TMEM163: variants seen among roughly 807,000 people sequenced by gnomAD.
The protein encoded by TMEM163 is transmembrane protein 163.
A neutral mutation model predicts 29.3 loss-of-function variants in TMEM163; 17 were observed. The observed-to-expected ratio is 0.58, with a 90% confidence interval of 0.40 to 0.87. TMEM163 has a LOEUF of 0.87. Among genes scored for constraint, TMEM163 ranks in the 40% least tolerant of loss-of-function variants. TMEM163 has a pLI of 0.00. For missense variants in TMEM163, 303 were observed against 381.5 expected (o/e 0.79, Z 1.71); for synonymous variants, 157 against 160.6 (o/e 0.98, Z 0.17).
chr2:134,713,191 G>A lies in TMEM163; in HGVS notation c.322+9C>T, dbSNP rs1412227852. On this transcript the variant is annotated intron_variant, in intron 2 of 7. Coordinates refer to ENST00000281924, the MANE Select transcript of TMEM163 (RefSeq NM_030923.5). ...GCACATATTGGCCGACGAGACCCTT[G>A]ATACTCACTAAAGGCAGCCACCGCG... 2 of 1,613,632 alleles carry A rather than the reference G, an allele frequency of 1.2e-6. No homozygotes were observed. The highest frequency in any genetic ancestry group is 1.3e-5 in the African/African-American group (1 of 74,988).
chr2:134,703,652 A>G (rs1006587611), intron 2 of TMEM163, among the ~76,000 whole-genome samples: 1 of 152,142 alleles, frequency 6.6e-6, no homozygotes, highest in Non-Finnish European at 1.5e-5. Context: ...GAAGTTAACA[A>G]ATAATGCCTA....
chr2:134,684,322 G>A (rs1347606549), intron 2 of TMEM163, among the ~76,000 whole-genome samples: 5 of 152,074 alleles, frequency 3.3e-5, no homozygotes, highest in Admixed American at 6.5e-5. Flanking sequence ...GGTTACAGAC[G>A]TACCCAACTA....
intron 6 of TMEM163, among the ~76,000 whole-genome samples, chr2:134,465,198 A>C (rs199860082): frequency 1.3e-4 from 19 of 144,364 alleles, no homozygotes; most frequent in South Asian, 2.1e-4. Context: ...TTAAAAAAAA[A>C]AAAAACAAAA....
intron 4 of TMEM163, among the ~76,000 whole-genome samples, chr2:134,543,204 T>C (rs890628196): frequency 5.9e-5 from 9 of 152,212 alleles, no homozygotes; most frequent in African/African-American, 2.2e-4. Flanking sequence ...GTCTGTGTTG[T>C]GCCTGGTTTC....
chr2:134,709,905 T>C (rs1002582886), intron 2 of TMEM163, among the ~76,000 whole-genome samples: 3 of 152,236 alleles, frequency 2.0e-5, no homozygotes, highest in Non-Finnish European at 4.4e-5. Flanking sequence ...TTGGTCTCTA[T>C]AACCCCTTAT....
In TMEM163 at chr2:134,466,234, G is replaced by A. The variant is rs1432948704; in HGVS notation, c.556-9C>T. On this transcript the variant is annotated splice_polypyrimidine_tract_variant and intron_variant, in intron 5 of 7. Transcript: ENST00000281924. The stretch of plus-strand genomic sequence containing the variant: ...CTGAACAGGAAATCGTCCTGCAAGA[G>A]AAAGTTCCAGATTTCAACAGTTCAC... The A allele has an allele frequency of 6.2e-7, 1 of 1,608,602 alleles. No homozygotes were observed. Among genetic ancestry groups the A allele is most frequent in the Non-Finnish European group, 8.5e-7 (1 of 1,176,478 alleles).
At chr2:134,655,335 C>T (rs1295535854) in intron 2 of TMEM163, among the ~76,000 whole-genome samples, 5 of 119,936 alleles carry the variant, frequency 4.2e-5, no homozygotes, top group East Asian at 2.1e-4. Flanking sequence ...TCCAGTTGAT[C>T]GCATCAGCTC....
intron 2 of TMEM163, among the ~76,000 whole-genome samples, chr2:134,592,162 C>T (rs1332592243): frequency 6.6e-6 from 1 of 152,142 alleles, no homozygotes; most frequent in Non-Finnish European, 1.5e-5. Context: ...AAAATTAAAA[C>T]TTGAGTTAAG....
rs58129133 is a variant in TMEM163 at position 134,533,714 on chromosome 2, C to T, written c.458+16856G>A. On this transcript the variant is annotated intron_variant, in intron 4 of 7. Transcript: ENST00000281924. ...CCAAGGCTTAATAATGCACCCGTGG[C>T]CTCCTACTGCTCCTATAATCAAAAC... Among the ~76,000 whole-genome samples, 692 of 152,234 alleles carry T rather than the reference C, an allele frequency of 4.5e-3. 8 individuals carry two copies. The highest frequency in any genetic ancestry group is 0.016 in the African/African-American group (669 of 41,530).
chr2:134,609,964 A>T (rs1258980567), intron 2 of TMEM163, among the ~76,000 whole-genome samples: 1 of 151,960 alleles, frequency 6.6e-6, no homozygotes, highest in Non-Finnish European at 1.5e-5. Context: ...CCTACAGGGG[A>T]AGGGGAGGAG....
intron 2 of TMEM163, among the ~76,000 whole-genome samples, chr2:134,560,821 AC>A (rs1440296955): frequency 6.6e-6 from 1 of 151,912 alleles, no homozygotes; most frequent in Non-Finnish European, 1.5e-5. Flanking sequence ...AATGCACATG[AC>A]CCCCGTTCCA....
At chr2:134,548,360 C>T (rs960845541) in intron 4 of TMEM163, among the ~76,000 whole-genome samples, 1 of 152,156 alleles carries the variant, frequency 6.6e-6, no homozygotes, top group African/African-American at 2.4e-5. Context: ...ATACTTACAA[C>T]ACATCTCAGT....
rs569735715 is a variant in TMEM163, at chr2:134,517,837, ACCAT to A, written c.459-14844_459-14841del. On this transcript the variant is annotated intron_variant, in intron 4 of 7. Transcript: ENST00000281924. ...TGCATAACCAAAATGTAAGAACTGA[ACCAT>A]AGGTATTATTTACCCACTGGCTAGT... Among the ~76,000 whole-genome samples the A allele has an allele frequency of 8.5e-5, 13 of 152,342 alleles. No individual in the cohort carries two copies. The South Asian group carries it at 2.3e-3, about 27-fold the overall frequency.
intron 4 of TMEM163, among the ~76,000 whole-genome samples, chr2:134,548,810 A>G (rs1461253911): frequency 1.3e-5 from 2 of 152,228 alleles, no homozygotes; most frequent in Non-Finnish European, 2.9e-5. Context: ...AATCTTATAC[A>G]ATATTTTAAG....
At chr2:134,534,102 G>A (rs1370086063) in intron 4 of TMEM163, among the ~76,000 whole-genome samples, 2 of 152,102 alleles carry the variant, frequency 1.3e-5, no homozygotes, top group Non-Finnish European at 2.9e-5. Context: ...AGCTGGTTTG[G>A]TGCCTCAAAA....
At chr2:134,589,507 T>C (rs1020673309) in intron 2 of TMEM163, among the ~76,000 whole-genome samples, 5 of 152,162 alleles carry the variant, frequency 3.3e-5, no homozygotes, top group African/African-American at 1.2e-4. Flanking sequence ...TATAATGTTT[T>C]AGTATGCTAA....
chr2:134,656,577 C>T (rs1683622982), intron 2 of TMEM163, among the ~76,000 whole-genome samples: 1 of 151,816 alleles, frequency 6.6e-6, no homozygotes, highest in Non-Finnish European at 1.5e-5. Flanking sequence ...CCTCCCCCCG[C>T]CTTCTATTTC....
chr2:134,559,869 C>T (rs1048897371), intron 2 of TMEM163, among the ~76,000 whole-genome samples: 1 of 152,130 alleles, frequency 6.6e-6, no homozygotes, highest in African/African-American at 2.4e-5. Context: ...CAGGAAGCAG[C>T]GACTGTCATT....
At chr2:134,657,176 CTCT>C (rs1683639917) in intron 2 of TMEM163, among the ~76,000 whole-genome samples, 1 of 152,174 alleles carries the variant, frequency 6.6e-6, no homozygotes, top group Non-Finnish European at 1.5e-5. Context: ...TTGGTACAAG[CTCT>C]TCTTTGTACA....
Sources: gnomAD v4.1 joint callset for allele counts (sites outside exome capture counted in the v4.1 genomes callset) on GRCh38, gnomAD v4.1.1 for gene constraint, MANE v1.5 for transcripts, NCBI Gene and HGNC (gene_info 2026-07-23, HGNC 2026-07-21) for gene names.